Variants in CDC42BPA observed in about 807,000 individuals in gnomAD.
CDC42BPA encodes the protein serine/threonine-protein kinase MRCK alpha.
A neutral mutation model predicts 223.5 loss-of-function variants in CDC42BPA; 80 were observed. The ratio of observed to expected loss-of-function variants is 0.36; its 90% CI spans 0.30 to 0.43. The LOEUF (loss-of-function observed/expected upper bound fraction) is 0.43. Among genes scored for constraint, CDC42BPA ranks in the 20% least tolerant of loss-of-function variants. The pLI is 1.00. For missense variants in CDC42BPA, 1,743 were observed against 2,099.9 expected (o/e 0.83, Z 3.32); for synonymous variants, 694 against 718.6 (o/e 0.97, Z 0.55).
At chr1:227,095,808 T>C (rs1031275266) in intron 15 of CDC42BPA, among the ~76,000 whole-genome samples, 27 of 152,126 alleles carry the variant, frequency 1.8e-4, no homozygotes, top group Non-Finnish European at 2.9e-4. Context: ...GCCAGGCTGG[T>C]CTCGAACTCC....
intron 1 of CDC42BPA, among the ~76,000 whole-genome samples, chr1:227,299,657 C>A (rs566029792): frequency 4.6e-4 from 70 of 151,986 alleles, no homozygotes; most frequent in African/African-American, 1.6e-3. Flanking sequence ...TTTTTTATGG[C>A]TTTGCTACTA....
At chr1:227,136,986 G>A (rs138796600) in intron 10 of CDC42BPA, among the ~76,000 whole-genome samples, 162 of 152,002 alleles carry the variant, frequency 1.1e-3, no homozygotes, top group African/African-American at 3.8e-3. Flanking sequence ...GTAAATATAT[G>A]GGTAAATAAA....
At chr1:227,109,840 C>T (rs1266433999) in intron 14 of CDC42BPA, among the ~76,000 whole-genome samples, 4 of 151,136 alleles carry the variant, frequency 2.6e-5, no homozygotes, top group East Asian at 3.9e-4. Context: ...TTTCCAACTC[C>T]GTTATACTCT....
At chr1:227,029,284 G>T in intron 29 of CDC42BPA, 34 bp from the exon 30 acceptor site, 5 of 1,347,876 alleles carry the variant, frequency 3.7e-6, no homozygotes, top group Non-Finnish European at 5.0e-6. Context: ...TCAAAATATA[G>T]TTTTATTGAT....
chr1:227,189,542 T>C (rs1292149401), intron 5 of CDC42BPA, among the ~76,000 whole-genome samples: 3 of 152,202 alleles, frequency 2.0e-5, no homozygotes, highest in Non-Finnish European at 4.4e-5. Flanking sequence ...AGAGTAAACA[T>C]TATTTATTAT....
intron 1 of CDC42BPA, among the ~76,000 whole-genome samples, chr1:227,305,412 T>C (rs1007574125): frequency 6.6e-6 from 1 of 152,236 alleles, no homozygotes; most frequent in Non-Finnish European, 1.5e-5. Flanking sequence ...CACATTTGTA[T>C]AATGTCTGCA....
Position 227,034,804 on chromosome 1 carries a change from G to A in CDC42BPA, c.3337-10C>T, listed in dbSNP as rs764001791. 14 of 1,449,168 alleles carry A rather than the reference G, an allele frequency of 9.7e-6. No individual in the cohort carries two copies. Among genetic ancestry groups the A allele is most frequent in the Non-Finnish European group, 1.3e-5 (14 of 1,107,004 alleles). The allele number at this position is 1,449,168 out of a possible 1,614,324, so 89.8% of individuals were successfully genotyped here. A position where few individuals can be genotyped will look rare whatever the true frequency, so the allele number is the denominator to read the frequency against. On this transcript the variant is annotated splice_polypyrimidine_tract_variant and intron_variant, in intron 25 of 36. Coordinates refer to ENST00000366766, the MANE Select transcript of CDC42BPA (RefSeq NM_001394014.1). The stretch of plus-strand genomic sequence containing the variant: ...CAGCTGGCTTAGGAATCTTAGTTTT[G>A]TTTTAGACAGACAAACAGCCAAAAC...
At position 227,318,033 on chromosome 1, in the gene CDC42BPA, G is replaced by A; in HGVS notation, c.-851C>T. ...GAGAAGCGGCTACTTGGCCGCCCGAGCCCACTCCATGTCGGTGGTCGCTCG... is the reference window on the plus strand; with the variant it reads ...GAGAAGCGGCTACTTGGCCGCCCGAACCCACTCCATGTCGGTGGTCGCTCG... On this transcript the variant is annotated 5_prime_UTR_variant, in exon 1 of 37. Coordinates refer to ENST00000366766, the MANE Select transcript of CDC42BPA (RefSeq NM_001394014.1). The A allele has an allele frequency of 5.7e-6, 2 of 352,732 alleles. No individual in the cohort carries two copies. The highest frequency in any genetic ancestry group is 1.0e-5 in the Non-Finnish European group (2 of 197,440). The allele number at this position is 352,732 out of a possible 1,614,324, so 21.9% of individuals were successfully genotyped here. A position where few individuals can be genotyped will look rare whatever the true frequency, so the allele number is the denominator to read the frequency against.
chr1:227,072,160 TATAAC>T, intron 20 of CDC42BPA, 43 bp downstream of exon 20: 1 of 1,009,828 alleles, frequency 9.9e-7, no homozygotes, highest in Non-Finnish European at 1.5e-6. Context: ...AAAATATATT[TATAAC>T]ATAACAGTAA....
intron 3 of CDC42BPA, among the ~76,000 whole-genome samples, chr1:227,205,906 G>A (rs1672635256): frequency 6.6e-6 from 1 of 152,102 alleles, no homozygotes; most frequent in Non-Finnish European, 1.5e-5. Flanking sequence ...AAAATTAGCT[G>A]AGTGTGGTGG....
chr1:227,074,238 T>C (rs1273492750), intron 18 of CDC42BPA, 21 bp downstream of exon 18: 3 of 1,548,296 alleles, frequency 1.9e-6, no homozygotes, highest in Admixed American at 1.7e-5. Flanking sequence ...TAAGCCTCCA[T>C]GCAAAATCAT....
chr1:227,296,403 A>C (rs1690635447), intron 1 of CDC42BPA, among the ~76,000 whole-genome samples: 1 of 152,182 alleles, frequency 6.6e-6, no homozygotes. Context: ...AGTGAAACAC[A>C]AAACTTTTGG....
chr1:227,122,720 A>T (rs931019894), intron 11 of CDC42BPA, among the ~76,000 whole-genome samples: 2 of 152,226 alleles, frequency 1.3e-5, no homozygotes, highest in African/African-American at 4.8e-5. Context: ...CTAATATTTA[A>T]TAAAATCCTC....
intron 5 of CDC42BPA, among the ~76,000 whole-genome samples, chr1:227,180,910 CTTTTTTTTTT>C (rs35588312): frequency 1.4e-5 from 2 of 139,934 alleles, no homozygotes; most frequent in African/African-American, 5.3e-5. Flanking sequence ...AACTTGGGGC[CTTTTTTTTTT>C]TCAACCTGAA....
intron 13 of CDC42BPA, 121 bp from the exon 14 acceptor site, chr1:227,112,543 AAAT>A (rs1687105834): frequency 1.1e-6 from 1 of 900,510 alleles, no homozygotes; most frequent in African/African-American, 1.7e-5. Context: ...AATCCATATT[AAAT>A]AATATTAATG....
Position 226,992,767 on chromosome 1 carries a change from T to C in CDC42BPA, c.*1501A>G, listed in dbSNP as rs1016851978. The C allele has an allele frequency of 3.3e-5, 5 of 152,256 alleles. No homozygotes were observed. Among genetic ancestry groups the C allele is most frequent in the African/African-American group, 1.2e-4 (5 of 41,478 alleles). The allele number at this position is 152,256 out of a possible 1,614,324, so 9.4% of individuals were successfully genotyped here. A position where few individuals can be genotyped will look rare whatever the true frequency, so the allele number is the denominator to read the frequency against. ...ATTTTTATCTCTTTCTCTACTCATG[T>C]GCTTAACTGGTGAAATGATTCTGTA... is the stretch of plus-strand genomic sequence containing the variant. On this transcript the variant is annotated 3_prime_UTR_variant, in exon 37 of 37. Transcript: ENST00000366766.
chr1:227,074,661 A>T (rs1679090792), intron 17 of CDC42BPA, among the ~76,000 whole-genome samples: 1 of 152,196 alleles, frequency 6.6e-6, no homozygotes, highest in Admixed American at 6.5e-5. Context: ...CTTTAAATCT[A>T]ACAATTAACA....
At chr1:227,253,436 A>C (rs1020941825) in intron 2 of CDC42BPA, among the ~76,000 whole-genome samples, 1 of 152,172 alleles carries the variant, frequency 6.6e-6, no homozygotes, top group Non-Finnish European at 1.5e-5. Flanking sequence ...ACTTGACTAA[A>C]AATACAAAAA....
At chr1:227,036,486 T>C (rs1670272558) in intron 24 of CDC42BPA, among the ~76,000 whole-genome samples, 1 of 134,890 alleles carries the variant, frequency 7.4e-6, no homozygotes, top group African/African-American at 2.8e-5. Context: ...TGGAGTGCGG[T>C]GGTGCAATCT....
Sources: allele counts gnomAD v4.1 joint callset (sites outside exome capture counted in the v4.1 genomes callset), GRCh38; gene constraint gnomAD v4.1.1; transcripts MANE v1.5; gene names NCBI Gene and HGNC (gene_info 2026-07-23, HGNC 2026-07-21).